GLI2: variants seen among roughly 807,000 people sequenced by gnomAD.
The protein encoded by GLI2 is transcription activator GLI2.
GLI2 carries 22 observed loss-of-function variants against 78.9 expected under a neutral mutation model. The ratio of observed to expected loss-of-function variants is 0.28; its 90% CI spans 0.20 to 0.40. The LOEUF (loss-of-function observed/expected upper bound fraction) is 0.40. Among genes scored for constraint, GLI2 ranks in the 10% least tolerant of loss-of-function variants. GLI2 has a pLI of 1.00. For synonymous variants in GLI2, 974 were observed against 963.7 expected (o/e 1.01, Z -0.20); for missense variants, 2,097 against 2,213.2 (o/e 0.95, Z 1.05).
chr2:120,920,348 G>A (rs961927258), intron 2 of GLI2, among the ~76,000 whole-genome samples: 9 of 152,242 alleles, frequency 5.9e-5, no homozygotes, highest in Non-Finnish European at 4.4e-5. Flanking sequence ...GATGGAGGCC[G>A]CCTGGTCATG....
intron 2 of GLI2, among the ~76,000 whole-genome samples, chr2:120,890,824 G>A (rs1388972117): frequency 6.6e-6 from 1 of 152,206 alleles, no homozygotes; most frequent in Non-Finnish European, 1.5e-5. Context: ...AGGCTGGTGG[G>A]TTATAGCGAG....
chr2:120,990,099 C>T lies in GLI2; in HGVS notation c.4134C>T (p.Tyr1378=), dbSNP rs540691091. 3.1e-5 allele frequency: 50 copies of T among 1,599,514 alleles called. No individual in the cohort carries two copies. The highest frequency in any genetic ancestry group is 1.6e-4 in the East Asian group (7 of 44,586). Residue 1378 remains tyrosine, a synonymous_variant, in exon 14 of 14, where the codon TAC becomes TAT. Transcript: ENST00000361492. ...GVRAVQQQLA[Y]ARATGHAMAA... is the part of the protein sequence containing the mutation. Reference sequence around the variant, plus strand: ...GTGCTGTGCAGCAGCAGCTGGCCTACGCCAGGGCCACAGGCCATGCCATGG... The same window carrying T: ...GTGCTGTGCAGCAGCAGCTGGCCTATGCCAGGGCCACAGGCCATGCCATGG...
intron 2 of GLI2, among the ~76,000 whole-genome samples, chr2:120,803,972 G>A (rs1177926860): frequency 7.2e-5 from 11 of 152,140 alleles, no homozygotes; most frequent in Non-Finnish European, 1.0e-4. Context: ...AGCACTAGAC[G>A]ACTTTCAGCA....
In GLI2 at chr2:120,951,396, C is replaced by G; in HGVS notation, c.408C>G (p.Ser136Arg). The G allele has an allele frequency of 6.2e-7, 1 of 1,613,402 alleles. No homozygotes were observed. Among genetic ancestry groups the G allele is most frequent in the Non-Finnish European group, 8.5e-7 (1 of 1,179,446 alleles). ...ACTACCTCCGTTCTGTGCACAGCAG[C>G]CCCACGCTCTCCATGATCTCTGCAG... is the stretch of plus-strand genomic sequence containing the variant. ...MEHYLRSVHS[S>R]PTLSMISAAR... Residue 136 changes from serine to arginine, a missense_variant, in exon 4 of 14, where the codon AGC (serine) becomes AGG (arginine). Around this residue, in one of 5 missense-constraint regions of GLI2, gnomAD observed 578 missense variants for 612.0 expected, o/e 0.94. Transcript: ENST00000361492.
chr2:120,881,308 G>C (rs1020769195), intron 2 of GLI2, among the ~76,000 whole-genome samples: 3 of 152,164 alleles, frequency 2.0e-5, no homozygotes, highest in African/African-American at 7.2e-5. Context: ...CCCTTCCCCA[G>C]GGTCCTGCTT....
At chr2:120,957,676 C>T (rs1184673835) in intron 5 of GLI2, among the ~76,000 whole-genome samples, 1 of 152,230 alleles carries the variant, frequency 6.6e-6, no homozygotes, top group Admixed American at 6.5e-5. Context: ...AAGGCTAAGC[C>T]AGGCAGCCGG....
intron 1 of GLI2, among the ~76,000 whole-genome samples, chr2:120,787,663 T>C (rs1196363896): frequency 2.0e-5 from 3 of 152,220 alleles, no homozygotes; most frequent in Non-Finnish European, 2.9e-5. Flanking sequence ...ACAAAGCAGC[T>C]GTTAAAATAT....
chr2:120,988,459 G>T lies in GLI2; in HGVS notation c.2494G>T (p.Ala832Ser). ...SPLGAGRPHN[A>S]SSADSYDPIS... ...CCTGGGCGCCGGCCGCCCGCACAAC[G>T]CGAGCTCCGCTGACTCCTACGACCC... Residue 832 changes from alanine (A) to serine (S), a missense_variant, in exon 14 of 14, where the codon GCG becomes TCG. Ala to Ser is a moderately conservative substitution (Grantham distance 99). Transcript: ENST00000361492. 1 of 1,566,070 alleles carries T rather than the reference G, an allele frequency of 6.4e-7. No homozygotes were observed. Among genetic ancestry groups the T allele is most frequent in the Non-Finnish European group, 8.6e-7 (1 of 1,165,770 alleles).
intron 2 of GLI2, among the ~76,000 whole-genome samples, chr2:120,826,977 T>A (rs1686097831): frequency 6.6e-6 from 1 of 152,142 alleles, no homozygotes; most frequent in South Asian, 2.1e-4. Context: ...CCGGGACAAG[T>A]GGGGCTCCCA....
Position 120,989,036 on chromosome 2 carries a change from C to T in GLI2, c.3071C>T (p.Ala1024Val), listed in dbSNP as rs1019643953. ...ISENVAMEAV[A>V]AGVDGAGPEA... is the part of the protein sequence containing the mutation. The stretch of plus-strand genomic sequence containing the variant: ...GAGAACGTGGCGATGGAGGCCGTGG[C>T]GGCAGGAGTGGACGGCGCGGGGCCC... The change falls in exon 14 of 14, where the codon GCG becomes GTG. Residue 1024 changes from alanine (A) to valine (V), a missense_variant. Transcript: ENST00000361492. The T allele has an allele frequency of 1.2e-6, 2 of 1,605,560 alleles. No individual in the cohort carries two copies. Among genetic ancestry groups the T allele is most frequent in the Admixed American group, 1.7e-5 (1 of 59,866 alleles).
chr2:120,736,462 G>C (rs1014045834), intron 1 of GLI2, among the ~76,000 whole-genome samples, 177 bp downstream of exon 1: 140 of 151,924 alleles, frequency 9.2e-4, no homozygotes, highest in Non-Finnish European at 4.0e-4. Flanking sequence ...TAGTAGGCGC[G>C]ACCCCGCCTG....
intron 2 of GLI2, among the ~76,000 whole-genome samples, 195 bp downstream of exon 2, chr2:120,797,663 C>CCAT (rs1684467130): frequency 6.8e-6 from 1 of 147,592 alleles, no homozygotes; most frequent in Non-Finnish European, 1.5e-5. Context: ...GGTCTGGCCA[C>CCAT]CCCAAGTCCA....
At chr2:120,822,063 C>T (rs74702401) in intron 2 of GLI2, among the ~76,000 whole-genome samples, 3,624 of 152,276 alleles carry the variant, frequency 0.024, 121 homozygotes, top group African/African-American at 0.079. Flanking sequence ...GGCGGTGGGC[C>T]GAGTTCATGT....
At chr2:120,746,635 C>G (rs1312437539) in intron 1 of GLI2, among the ~76,000 whole-genome samples, 1 of 152,108 alleles carries the variant, frequency 6.6e-6, no homozygotes, top group Non-Finnish European at 1.5e-5. Context: ...TGGTTTAGCA[C>G]TTGGATTCAA....
At chr2:120,759,403 C>T (rs1194946031) in intron 1 of GLI2, among the ~76,000 whole-genome samples, 1 of 152,182 alleles carries the variant, frequency 6.6e-6, no homozygotes, top group African/African-American at 2.4e-5. Context: ...GTGCTTCTGA[C>T]CAACCAGCTA....
intron 2 of GLI2, among the ~76,000 whole-genome samples, chr2:120,870,530 G>A (rs771682886): frequency 5.3e-5 from 8 of 152,208 alleles, no homozygotes; most frequent in Admixed American, 4.6e-4. Context: ...GAAAGAGATT[G>A]GAGTATGGCC....
Position 120,978,785 on chromosome 2 carries a change from T to C in GLI2, c.1467+202T>C, listed in dbSNP as rs566737136. Among the ~76,000 whole-genome samples the C allele has an allele frequency of 5.3e-5, 8 of 152,242 alleles. No individual in the cohort carries two copies. In the South Asian group the frequency reaches 1.7e-3, roughly 32 times the overall value. On this transcript the variant is annotated intron_variant, in intron 10 of 13. Transcript: ENST00000361492. ...CGCCTCGTGCCGTCCCAGACCTTGA[T>C]GGACTTGCTCTCTGGGTGTGAGCAT...
chr2:120,842,402 C>T (rs766061906), intron 2 of GLI2, among the ~76,000 whole-genome samples: 1 of 152,104 alleles, frequency 6.6e-6, no homozygotes, highest in Non-Finnish European at 1.5e-5. Flanking sequence ...CATATCAGAC[C>T]TGGAGCGCTT....
intron 2 of GLI2, among the ~76,000 whole-genome samples, chr2:120,829,797 C>CT (rs1173651025): frequency 6.6e-6 from 1 of 152,164 alleles, no homozygotes; most frequent in Non-Finnish European, 1.5e-5. Flanking sequence ...GGACCCATTC[C>CT]TTCATGGGGC....
Sources: allele counts gnomAD v4.1 joint callset (sites outside exome capture counted in the v4.1 genomes callset), GRCh38; gene constraint gnomAD v4.1.1; regional missense constraint gnomAD v4.1.1; transcripts MANE v1.5; gene names NCBI Gene and HGNC (gene_info 2026-07-23, HGNC 2026-07-21).